BMPR1B: variants seen among roughly 807,000 people sequenced by gnomAD.
The protein encoded by BMPR1B is bone morphogenetic protein receptor type 1B.
In BMPR1B, 12 loss-of-function variants were observed where a neutral mutation model predicts 59.1. The observed-to-expected ratio is 0.20, with a 90% CI of 0.13 to 0.33. The LOEUF (loss-of-function observed/expected upper bound fraction) is 0.33. BMPR1B is among the 10% of genes least tolerant of loss of function. The pLI, the probability that BMPR1B is intolerant of heterozygous loss-of-function variation, is 1.00. For missense variants in BMPR1B, 550 were observed against 610.9 expected (o/e 0.90, Z 1.05); for synonymous variants, 237 against 207.3 (o/e 1.14, Z -1.23).
At chr4:95,009,359 A>G (rs1401474687) in intron 3 of BMPR1B, among the ~76,000 whole-genome samples, 1 of 152,202 alleles carries the variant, frequency 6.6e-6, no homozygotes, top group Non-Finnish European at 1.5e-5. Context: ...AAACAAACAA[A>G]TGAAAGAAAT....
chr4:94,840,718 G>A lies in BMPR1B; in HGVS notation c.-182-35113G>A, dbSNP rs1366752465. Among the ~76,000 whole-genome samples, 9 of 147,364 alleles carry A rather than the reference G, an allele frequency of 6.1e-5. 1 individual carries two copies. Among genetic ancestry groups the A allele is most frequent in the East Asian group, 1.9e-4 (1 of 5,176 alleles). On this transcript the variant is annotated intron_variant, in intron 1 of 12. Coordinates refer to ENST00000515059, the MANE Select transcript of BMPR1B (RefSeq NM_001203.3). ...TTGTCTTTGGTTTGAATGTCCTCCC[G>A]TAGCTCAGAGTAATTTGATCGTCTG...
chr4:95,084,717 C>G (rs1729437124), intron 3 of BMPR1B, among the ~76,000 whole-genome samples: 1 of 152,204 alleles, frequency 6.6e-6, no homozygotes, highest in Non-Finnish European at 1.5e-5. Context: ...GGACACTTCC[C>G]TTGCACTAAA....
chr4:94,786,428 A>C (rs980588602), intron 1 of BMPR1B, among the ~76,000 whole-genome samples: 8 of 149,670 alleles, frequency 5.3e-5, no homozygotes, highest in Non-Finnish European at 1.2e-4. Flanking sequence ...GTGTGGTGGC[A>C]TGACCTTGGC....
chr4:94,953,624 C>T (rs976739030), intron 2 of BMPR1B, among the ~76,000 whole-genome samples: 13 of 152,186 alleles, frequency 8.5e-5, no homozygotes, highest in Admixed American at 5.2e-4. Flanking sequence ...CAGAGAGATC[C>T]GCTGTTAGCG....
In BMPR1B at chr4:95,145,631, G is replaced by A. The variant is rs182635920; in HGVS notation, c.1077-3117G>A. Among the ~76,000 whole-genome samples, 28 of 152,298 alleles carry A rather than the reference G, an allele frequency of 1.8e-4. 1 individual carries two copies. Among genetic ancestry groups the A allele is most frequent in the Admixed American group, 8.5e-4 (13 of 15,302 alleles). On this transcript the variant is annotated intron_variant, in intron 10 of 12. Coordinates refer to ENST00000515059, the MANE Select transcript of BMPR1B (RefSeq NM_001203.3). ...TTTCTCTGCCATTATTTGGGAACAG[G>A]TAAAATGATGCTACTGAAAATCTGA... is the stretch of plus-strand genomic sequence containing the variant.
chr4:95,145,770 T>G (rs1249723019), intron 10 of BMPR1B, among the ~76,000 whole-genome samples: 6 of 152,240 alleles, frequency 3.9e-5, no homozygotes, highest in Non-Finnish European at 1.5e-5. Context: ...ATGGATTACC[T>G]ATAATTCTCA....
At chr4:95,129,223 G>C (rs1443801418) in intron 8 of BMPR1B, among the ~76,000 whole-genome samples, 2 of 152,136 alleles carry the variant, frequency 1.3e-5, no homozygotes, top group Non-Finnish European at 1.5e-5. Context: ...AGTACCATTT[G>C]ATGCTCTCTG....
intron 2 of BMPR1B, among the ~76,000 whole-genome samples, chr4:94,902,278 AGAGAGAGAGAGAGAG>A (rs1727861253): frequency 7.4e-6 from 1 of 134,586 alleles, no homozygotes. Flanking sequence ...AGAGAGAGAG[AGAGAGAGAGAGAGAG>A]AAGATGGGGA....
intron 3 of BMPR1B, among the ~76,000 whole-genome samples, chr4:95,067,155 G>T (rs1343520553): frequency 6.6e-6 from 1 of 152,102 alleles, no homozygotes; most frequent in Non-Finnish European, 1.5e-5. Context: ...AATTATAGGT[G>T]CTTTCTTTGT....
At chr4:94,996,830 G>A (rs535908388) in intron 3 of BMPR1B, among the ~76,000 whole-genome samples, 316 of 152,184 alleles carry the variant, frequency 2.1e-3, no homozygotes, top group Non-Finnish European at 3.5e-3. Context: ...CTCCTCCTAT[G>A]CATTAATAGT....
chr4:94,802,169 G>A (rs1410700062), intron 1 of BMPR1B, among the ~76,000 whole-genome samples: 1 of 152,148 alleles, frequency 6.6e-6, no homozygotes, highest in African/African-American at 2.4e-5. Context: ...CTGTAGACAT[G>A]GCATTTACTG....
At chr4:95,098,638 G>A (rs1045110636) in intron 3 of BMPR1B, among the ~76,000 whole-genome samples, 1 of 151,734 alleles carries the variant, frequency 6.6e-6, no homozygotes, top group Non-Finnish European at 1.5e-5. Context: ...TAGCGTTTAA[G>A]GTGAGTCTCC....
intron 3 of BMPR1B, among the ~76,000 whole-genome samples, chr4:95,099,715 G>A (rs570413948): frequency 1.2e-4 from 18 of 152,128 alleles, no homozygotes; most frequent in Non-Finnish European, 2.4e-4. Flanking sequence ...TTTCCGCGTA[G>A]CAACTACACC....
intron 1 of BMPR1B, among the ~76,000 whole-genome samples, chr4:94,818,703 T>C (rs1724098118): frequency 6.6e-6 from 1 of 152,224 alleles, no homozygotes; most frequent in South Asian, 2.1e-4. Flanking sequence ...TCATCCCATG[T>C]AATTACTTAT....
intron 10 of BMPR1B, among the ~76,000 whole-genome samples, chr4:95,142,177 C>A (rs545022521): frequency 1.3e-5 from 2 of 152,182 alleles, no homozygotes; most frequent in African/African-American, 4.8e-5. Flanking sequence ...GCAGAAAACT[C>A]CCCTTATTGG....
chr4:94,966,977 T>G (rs374066602), intron 2 of BMPR1B, among the ~76,000 whole-genome samples: 3 of 152,150 alleles, frequency 2.0e-5, no homozygotes, highest in African/African-American at 7.2e-5. Flanking sequence ...AATATTAGCC[T>G]GTAATGGAAC....
At chr4:95,024,625 C>A (rs554665227) in intron 3 of BMPR1B, among the ~76,000 whole-genome samples, 2 of 152,066 alleles carry the variant, frequency 1.3e-5, no homozygotes, top group East Asian at 3.8e-4. Context: ...TAGATGCTTG[C>A]GACATTGTTG....
At chr4:94,883,669 A>G (rs964679788) in intron 2 of BMPR1B, among the ~76,000 whole-genome samples, 6 of 152,074 alleles carry the variant, frequency 3.9e-5, no homozygotes, top group Non-Finnish European at 8.8e-5. Context: ...TTAATGTGCT[A>G]ATAATTATTT....
intron 1 of BMPR1B, among the ~76,000 whole-genome samples, chr4:94,793,139 G>C (rs1258920433): frequency 6.6e-6 from 1 of 151,942 alleles, no homozygotes; most frequent in African/African-American, 2.4e-5. Context: ...TTAGCATTAG[G>C]TATATCTCCC....
Sources: gnomAD v4.1 joint callset for allele counts (sites outside exome capture counted in the v4.1 genomes callset) on GRCh38, gnomAD v4.1.1 for gene constraint, MANE v1.5 for transcripts, NCBI Gene and HGNC (gene_info 2026-07-23, HGNC 2026-07-21) for gene names.